ADGRF1: variants seen among roughly 807,000 people sequenced by gnomAD.
ADGRF1 encodes G protein-coupled receptor 110.
In ADGRF1, 85 loss-of-function variants were observed where a neutral mutation model predicts 87.2. The observed-to-expected ratio is 0.97, with a 90% CI of 0.82 to 1.17. The LOEUF is 1.17. Ranked by LOEUF, ADGRF1 falls within the 50% of genes most tolerant of loss-of-function variation. The pLI is 0.00. For missense variants in ADGRF1, 1,169 were observed against 1,077.2 expected (o/e 1.09, Z -1.19); for synonymous variants, 430 against 408.8 (o/e 1.05, Z -0.63).
chr6:47,009,674 C>A lies in ADGRF1; in HGVS notation c.1761G>T (p.Trp587Cys), dbSNP rs1464597161. Reference sequence around the variant, plus strand: ...AGATACCCAGTCCCACATAGGTGATCCATTTTACAACGGGGAAGATTGTAG... The same window carrying A: ...AGATACCCAGTCCCACATAGGTGATACATTTTACAACGGGGAAGATTGTAG... ...VPSTIFPVVKWITYVGLGISI... is the reference protein window; with the variant it reads ...VPSTIFPVVKCITYVGLGISI... The change falls in exon 11 of 15, where the codon TGG (tryptophan) becomes TGT (cysteine). Residue 587 changes from tryptophan (W) to cysteine (C), a missense_variant. Coordinates refer to ENST00000371253, the MANE Select transcript of ADGRF1 (RefSeq NM_153840.4). 1 of 1,614,144 alleles carries A rather than the reference C, an allele frequency of 6.2e-7. No individual in the cohort carries two copies. Among genetic ancestry groups the A allele is most frequent in the Non-Finnish European group, 8.5e-7 (1 of 1,180,028 alleles).
chr6:47,031,795 T>G (rs1483793052), intron 1 of ADGRF1, among the ~76,000 whole-genome samples: 1 of 148,814 alleles, frequency 6.7e-6, no homozygotes. Context: ...GGTGTAGTCA[T>G]GGCTCACTGC....
intron 1 of ADGRF1, 79 bp downstream of exon 1, chr6:47,042,112 A>G (rs116553343): frequency 1.2e-3 from 176 of 152,290 alleles, no homozygotes; most frequent in African/African-American, 3.9e-3. Context: ...AGGAGAGAAA[A>G]AATAATCTCA....
Position 47,020,721 on chromosome 6 carries a change from T to A in ADGRF1, c.611+10A>T. 2 of 1,613,148 alleles carry A rather than the reference T, an allele frequency of 1.2e-6. No homozygotes were observed. Among genetic ancestry groups the A allele is most frequent in the South Asian group, 2.2e-5 (2 of 91,068 alleles). On this transcript the variant is annotated intron_variant, in intron 7 of 14. Transcript: ENST00000371253. ...TGGGGATGCCCTTCTAAGACCATTG[T>A]GTTACTTACCGAAATTGGGTGACCT...
chr6:47,016,458 C>A (rs1779881403), intron 8 of ADGRF1, among the ~76,000 whole-genome samples, 159 bp downstream of exon 8: 1 of 152,196 alleles, frequency 6.6e-6, no homozygotes. Context: ...AGCTAAGTTT[C>A]ATCTTGGTGC....
At position 47,012,091 on chromosome 6, in the gene ADGRF1, A is replaced by G; in HGVS notation, c.1032T>C (p.Asn344=). The G allele has an allele frequency of 6.2e-7, 1 of 1,614,182 alleles. No individual in the cohort carries two copies. Among genetic ancestry groups the G allele is most frequent in the Non-Finnish European group, 8.5e-7 (1 of 1,179,990 alleles). Residue 344 remains asparagine (N), a synonymous_variant, in exon 10 of 15, where the codon AAT becomes AAC. Transcript: ENST00000371253. The part of the protein sequence containing the change: ...IRQNPSTTVG[N]LASVVSILSN... Reference sequence around the variant, plus strand: ...TCAGAATCGACACCACCGAAGCCAGATTCCCCACTGTGGTTGATGGGTTTT... The same window carrying G: ...TCAGAATCGACACCACCGAAGCCAGGTTCCCCACTGTGGTTGATGGGTTTT...
chr6:47,031,365 CT>C (rs879747328), intron 1 of ADGRF1, among the ~76,000 whole-genome samples: 244 of 149,376 alleles, frequency 1.6e-3, no homozygotes, highest in Non-Finnish European at 2.8e-3. Flanking sequence ...CTCTCTCTCT[CT>C]CTCTCTCTCT....
chr6:47,040,853 T>C (rs1048897114), intron 1 of ADGRF1, among the ~76,000 whole-genome samples: 1 of 152,210 alleles, frequency 6.6e-6, no homozygotes, highest in African/African-American at 2.4e-5. Context: ...GAAGGCACAT[T>C]GTTGTGAAAG....
intron 7 of ADGRF1, chr6:47,017,887 G>C (rs1278494546): frequency 2.6e-5 from 4 of 152,744 alleles, no homozygotes; most frequent in African/African-American, 9.7e-5. Flanking sequence ...ACTTGCACAA[G>C]CGTTTTTCAA....
rs755988406 is a variant in ADGRF1 at position 47,024,039 on chromosome 6, C to T, written c.451+5G>A. ...CCCCAGCCCAGAGCATTCTTAGTTG[C>T]TTACTTGTTCTCTCACAGAAATTGA... On this transcript the variant is annotated splice_donor_5th_base_variant and intron_variant, in intron 5 of 14. Coordinates refer to ENST00000371253, the MANE Select transcript of ADGRF1 (RefSeq NM_153840.4). 6 of 1,612,730 alleles carry T rather than the reference C, an allele frequency of 3.7e-6. No homozygotes were observed. The highest frequency in any genetic ancestry group is 5.1e-6 in the Non-Finnish European group (6 of 1,179,216).
rs73736331 is a variant in ADGRF1, at chr6:47,009,028, T to G, written c.2407A>C (p.Thr803Pro). The change falls in exon 11 of 15, where the codon ACC becomes CCC. Residue 803 changes from threonine (T) to proline (P), a missense_variant. By Grantham distance (38) the Thr-to-Pro change is conservative (BLOSUM62 -1). Transcript: ENST00000371253. ...LLILTPLLGL[T>P]WGFGIGTIVD... ...ATTGTTCCTATTCCAAAGCCCCAGGTGAGCCCTAGCAGAGGGGTCAGAATG... is the reference window on the plus strand; with the variant it reads ...ATTGTTCCTATTCCAAAGCCCCAGGGGAGCCCTAGCAGAGGGGTCAGAATG... 1.6e-3 allele frequency: 2,649 copies of G among 1,614,014 alleles called. 37 individuals carry two copies. In the African/African-American group the frequency reaches 0.024, roughly 15 times the overall value.
At chr6:47,039,942 A>G (rs752171591) in intron 1 of ADGRF1, among the ~76,000 whole-genome samples, 4 of 152,140 alleles carry the variant, frequency 2.6e-5, no homozygotes, top group Non-Finnish European at 5.9e-5. Flanking sequence ...AGCCTGAGCA[A>G]CAGAGTGAGA....
In ADGRF1 at chr6:47,033,463, T is replaced by C. The variant is rs16875436; in HGVS notation, c.-43-4359A>G. ...TCACACCTATACTTTCCAGCATTCT[T>C]GGCAACAATCTAATCTTAGGCACAG... is the stretch of plus-strand genomic sequence containing the variant. On this transcript the variant is annotated intron_variant, in intron 1 of 14. Coordinates refer to ENST00000371253, the MANE Select transcript of ADGRF1 (RefSeq NM_153840.4). Among the ~76,000 whole-genome samples the C allele has an allele frequency of 3.1e-3, 477 of 152,382 alleles. 4 individuals are homozygous for C. Among genetic ancestry groups the C allele is most frequent in the African/African-American group, 0.011 (447 of 41,596 alleles).
At chr6:47,013,025 G>A (rs1779756392) in intron 9 of ADGRF1, 2 of 965,810 alleles carry the variant, frequency 2.1e-6, no homozygotes, top group Admixed American at 6.2e-5. Context: ...GCCCGGCTTG[G>A]CCTCCCAAAG....
At chr6:47,039,983 A>C (rs1331737673) in intron 1 of ADGRF1, among the ~76,000 whole-genome samples, 1 of 152,076 alleles carries the variant, frequency 6.6e-6, no homozygotes, top group South Asian at 2.1e-4. Context: ...TAAATAAATA[A>C]ATAGATAAAT....
Position 47,001,498 on chromosome 6 carries a change from C to T in ADGRF1, c.2659+3G>A. On this transcript the variant is annotated splice_donor_region_variant and intron_variant, in intron 14 of 14. Coordinates refer to ENST00000371253, the MANE Select transcript of ADGRF1 (RefSeq NM_153840.4). ...TATAACCTTTGGTTTTATTGTAACTCACCTTTGTTTTGCAGTGGGTTGAAA... is the reference window on the plus strand; with the variant it reads ...TATAACCTTTGGTTTTATTGTAACTTACCTTTGTTTTGCAGTGGGTTGAAA... 1.9e-6 allele frequency: 3 copies of T among 1,613,158 alleles called. No homozygotes were observed. The highest frequency in any genetic ancestry group is 2.5e-6 in the Non-Finnish European group (3 of 1,179,386).
chr6:47,031,803 T>TGCAG (rs1329122211), intron 1 of ADGRF1, among the ~76,000 whole-genome samples: 4 of 152,188 alleles, frequency 2.6e-5, no homozygotes, highest in Admixed American at 6.5e-5. Context: ...CATGGCTCAC[T>TGCAG]GCAGCCTTGA....
chr6:47,020,338 CA>C (rs923206445), intron 7 of ADGRF1: 14 of 891,518 alleles, frequency 1.6e-5, no homozygotes, highest in Admixed American at 1.0e-4. Flanking sequence ...ACTAAAAATA[CA>C]AAAAAAGTTA....
At chr6:47,007,118 T>C in intron 12 of ADGRF1, 135 bp downstream of exon 12, 3 of 508,346 alleles carry the variant, frequency 5.9e-6, no homozygotes, top group Non-Finnish European at 3.5e-6. Context: ...GCCTGACTTC[T>C]CTAAAAGCAC....
At chr6:47,004,087 A>T (rs1279690303) in intron 13 of ADGRF1, among the ~76,000 whole-genome samples, 1 of 151,964 alleles carries the variant, frequency 6.6e-6, no homozygotes, top group Non-Finnish European at 1.5e-5. Context: ...CACCCCTCCC[A>T]ACATATGAAC....
Sources: allele counts gnomAD v4.1 joint callset (sites outside exome capture counted in the v4.1 genomes callset), GRCh38; gene constraint gnomAD v4.1.1; transcripts MANE v1.5; gene names NCBI Gene and HGNC (gene_info 2026-07-23, HGNC 2026-07-21).